The following TRPC7 variants were observed in gnomAD, a reference collection of about 807,000 sequenced individuals.
TRPC7 encodes short transient receptor potential channel 7.
TRPC7 carries 42 observed loss-of-function variants against 90.1 expected under a neutral mutation model. The ratio of observed to expected loss-of-function variants is 0.47; its 90% CI spans 0.36 to 0.60. The LOEUF is 0.60. TRPC7 is among the 20% of genes least tolerant of loss of function. The pLI, the probability that TRPC7 is intolerant of heterozygous loss-of-function variation, is 0.00. For synonymous variants in TRPC7, 451 were observed against 436.3 expected (o/e 1.03, Z -0.42); for missense variants, 955 against 1,112.3 (o/e 0.86, Z 2.01).
intron 10 of TRPC7, among the ~76,000 whole-genome samples, chr5:136,223,075 G>C (rs1755511822): frequency 6.6e-6 from 1 of 152,226 alleles, no homozygotes; most frequent in Non-Finnish European, 1.5e-5. Context: ...CCTTTCCTCT[G>C]ATGCCTACTG....
At chr5:136,249,870 C>T (rs1281511821) in intron 6 of TRPC7, among the ~76,000 whole-genome samples, 1 of 152,318 alleles carries the variant, frequency 6.6e-6, no homozygotes, top group Non-Finnish European at 1.5e-5. Flanking sequence ...AGAGGGCTCT[C>T]CTGCCCTGTA....
At chr5:136,233,589 G>A (rs1755883999) in intron 7 of TRPC7, among the ~76,000 whole-genome samples, 1 of 152,208 alleles carries the variant, frequency 6.6e-6, no homozygotes, top group Non-Finnish European at 1.5e-5. Context: ...CAGGATCAGT[G>A]AAAACTGGAG....
At position 136,301,523 on chromosome 5, in the gene TRPC7, A is replaced by G. The variant is rs536675908; in HGVS notation, c.963+14074T>C. Among the ~76,000 whole-genome samples, 439 of 151,572 alleles carry G rather than the reference A, an allele frequency of 2.9e-3. 1 individual carries two copies. Among genetic ancestry groups the G allele is most frequent in the African/African-American group, 0.01 (419 of 41,316 alleles). The stretch of plus-strand genomic sequence containing the variant: ...CACCATTGTGATTTGTTTCTGCCCC[A>G]CCCTAACTGATCAATGTACTTTGTA... On this transcript the variant is annotated intron_variant, in intron 3 of 11. Coordinates refer to ENST00000513104, the MANE Select transcript of TRPC7 (RefSeq NM_020389.3).
At chr5:136,268,673 A>G (rs1396575990) in intron 4 of TRPC7, among the ~76,000 whole-genome samples, 1 of 152,198 alleles carries the variant, frequency 6.6e-6, no homozygotes, top group Admixed American at 6.5e-5. Flanking sequence ...CTAGAAGAAG[A>G]TGAATCTGCA....
intron 2 of TRPC7, among the ~76,000 whole-genome samples, chr5:136,335,547 G>A (rs1759627000): frequency 6.6e-6 from 1 of 151,702 alleles, no homozygotes; most frequent in East Asian, 1.9e-4. Flanking sequence ...GCAGTGGTTG[G>A]TACGTTTACT....
intron 2 of TRPC7, among the ~76,000 whole-genome samples, chr5:136,330,173 T>C (rs548645167): frequency 6.6e-6 from 1 of 152,268 alleles, no homozygotes; most frequent in South Asian, 2.1e-4. Context: ...CGCCCCCACA[T>C]GGGGGTGGCC....
intron 6 of TRPC7, among the ~76,000 whole-genome samples, chr5:136,250,528 TTC>T (rs1241771235): frequency 6.6e-6 from 1 of 152,206 alleles, no homozygotes; most frequent in Non-Finnish European, 1.5e-5. Flanking sequence ...TTCAACATCT[TTC>T]TGTTTCAGTA....
intron 4 of TRPC7, among the ~76,000 whole-genome samples, chr5:136,273,155 T>G (rs1757258001): frequency 6.6e-6 from 1 of 152,108 alleles, no homozygotes. Flanking sequence ...GCCTAGAATT[T>G]GTTCTGGGGC....
At position 136,343,527 on chromosome 5, in the gene TRPC7, G is replaced by C. The variant is rs546417444; in HGVS notation, c.780+13081C>G. Among the ~76,000 whole-genome samples, 133 of 152,224 alleles carry C rather than the reference G, an allele frequency of 8.7e-4. 4 individuals carry two copies. In the South Asian group the frequency reaches 0.024, roughly 28 times the overall value. On this transcript the variant is annotated intron_variant, in intron 2 of 11. Transcript: ENST00000513104. ...AGAAGAATCTGAACAGACAGGCCTTGGTCTATTACAATTAGATCATACCCT... is the reference window on the plus strand; with the variant it reads ...AGAAGAATCTGAACAGACAGGCCTTCGTCTATTACAATTAGATCATACCCT...
At chr5:136,273,013 C>T (rs1409780596) in intron 4 of TRPC7, among the ~76,000 whole-genome samples, 1 of 152,206 alleles carries the variant, frequency 6.6e-6, no homozygotes, top group Non-Finnish European at 1.5e-5. Context: ...CCACTAGGCA[C>T]TCAGAGGCAA....
intron 1 of TRPC7, among the ~76,000 whole-genome samples, chr5:136,360,050 G>A (rs982203861): frequency 1.3e-5 from 2 of 152,104 alleles, no homozygotes; most frequent in Non-Finnish European, 2.9e-5. Flanking sequence ...CTGCTCAAGA[G>A]GGAGAATAGG....
chr5:136,331,228 C>T (rs1009844316), intron 2 of TRPC7, among the ~76,000 whole-genome samples: 1 of 152,214 alleles, frequency 6.6e-6, no homozygotes, highest in African/African-American at 2.4e-5. Flanking sequence ...TAAGCACTCT[C>T]TCTACCTGGA....
At chr5:136,258,647 G>A (rs1160580347) in intron 5 of TRPC7, among the ~76,000 whole-genome samples, 1 of 152,222 alleles carries the variant, frequency 6.6e-6, no homozygotes, top group African/African-American at 2.4e-5. Flanking sequence ...TTATAGGCAG[G>A]TTCTGAGTAA....
intron 6 of TRPC7, among the ~76,000 whole-genome samples, chr5:136,248,940 A>G (rs1756434017): frequency 6.6e-6 from 1 of 152,228 alleles, no homozygotes; most frequent in Non-Finnish European, 1.5e-5. Flanking sequence ...ATGTCCTGCA[A>G]TGCTCCAGAC....
intron 2 of TRPC7, among the ~76,000 whole-genome samples, chr5:136,353,347 G>C (rs1197708923): frequency 1.3e-5 from 2 of 152,208 alleles, no homozygotes; most frequent in African/African-American, 4.8e-5. Flanking sequence ...TAGTCAGGAA[G>C]AGTTTTTCCC....
At chr5:136,277,111 TG>T (rs1283517449) in intron 3 of TRPC7, among the ~76,000 whole-genome samples, 4 of 152,216 alleles carry the variant, frequency 2.6e-5, no homozygotes, top group African/African-American at 9.6e-5. Context: ...GCCTCTCCCA[TG>T]CTTCTGCTGC....
rs534523308 is a variant in TRPC7 at position 136,325,449 on chromosome 5, C to T, written c.781-9670G>A. On this transcript the variant is annotated intron_variant, in intron 2 of 11. Transcript: ENST00000513104. Reference sequence around the variant, plus strand: ...CTCTCCTTCCTTCCTCCCTTCCTTTCTTCCTTCCTCCCTCCTCCTTATAGG... The same window carrying T: ...CTCTCCTTCCTTCCTCCCTTCCTTTTTTCCTTCCTCCCTCCTCCTTATAGG... 3.8e-4 allele frequency among the ~76,000 whole-genome samples: 58 copies of T among 152,142 alleles called. 1 individual carries two copies. The highest frequency in any genetic ancestry group is 7.5e-4 in the Non-Finnish European group (51 of 68,018).
intron 2 of TRPC7, among the ~76,000 whole-genome samples, chr5:136,324,419 T>C (rs1759284557): frequency 6.6e-6 from 1 of 152,222 alleles, no homozygotes; most frequent in African/African-American, 2.4e-5. Context: ...GCTTTTTATG[T>C]AGTCAATTCA....
intron 2 of TRPC7, among the ~76,000 whole-genome samples, chr5:136,326,438 T>A (rs1759350717): frequency 6.6e-6 from 1 of 152,194 alleles, no homozygotes; most frequent in Non-Finnish European, 1.5e-5. Context: ...CTGTAGACAT[T>A]TTCCTCCTGT....
Sources: allele counts gnomAD v4.1 joint callset (sites outside exome capture counted in the v4.1 genomes callset), GRCh38; gene constraint gnomAD v4.1.1; transcripts MANE v1.5; gene names NCBI Gene and HGNC (gene_info 2026-07-23, HGNC 2026-07-21).